TPM4: variants seen among roughly 807,000 people sequenced by gnomAD.
TPM4 encodes tropomyosin 4.
In TPM4, 17 loss-of-function variants were observed where a neutral mutation model predicts 35.8. The observed-to-expected ratio is 0.47, with a 90% confidence interval of 0.32 to 0.71. The LOEUF (loss-of-function observed/expected upper bound fraction) is 0.71, where lower values mean the gene tolerates loss of function less well. Among genes scored for constraint, TPM4 ranks in the 30% least tolerant of loss-of-function variants. The pLI, the probability that TPM4 is intolerant of heterozygous loss-of-function variation, is 0.03. For missense variants in TPM4, 240 were observed against 320.9 expected, an observed-to-expected ratio of 0.75 and a Z score of 1.93; for synonymous variants, 120 against 122.9, an observed-to-expected ratio of 0.98 and a Z score of 0.15.
intron 7 of TPM4, chr19:16,095,535 C>A: frequency 9.8e-7 from 1 of 1,015,766 alleles, no homozygotes; most frequent in East Asian, 6.7e-5. Flanking sequence ...CTCATTTTCT[C>A]CACTTGCTGC....
chr19:16,079,531 G>A (rs1282740721), intron 1 of TPM4, among the ~76,000 whole-genome samples: 1 of 152,166 alleles, frequency 6.6e-6, no homozygotes, highest in Non-Finnish European at 1.5e-5. Flanking sequence ...TGGTGTTTCA[G>A]AGGACACTGC....
intron 3 of TPM4, among the ~76,000 whole-genome samples, chr19:16,087,321 A>T (rs907690113): frequency 5.3e-5 from 8 of 152,248 alleles, no homozygotes; most frequent in African/African-American, 1.4e-4. Context: ...TCACGCCGGT[A>T]ATCCCAGCAC....
At chr19:16,081,851 G>T in intron 1 of TPM4, 62 bp from the exon 2 acceptor site, 1 of 1,507,268 alleles carries the variant, frequency 6.6e-7, no homozygotes, top group Non-Finnish European at 9.0e-7. Context: ...GGACATGGGG[G>T]AGGCTCCCAC....
chr19:16,087,968 G>T, intron 3 of TPM4, 59 bp from the exon 4 acceptor site: 3 of 1,562,758 alleles, frequency 1.9e-6, no homozygotes, highest in Non-Finnish European at 2.6e-6. Flanking sequence ...GTCTGCAGTG[G>T]ATGGGAGAGG....
At chr19:16,078,001 C>G in intron 1 of TPM4, 1 of 391,184 alleles carries the variant, frequency 2.6e-6, no homozygotes, top group Non-Finnish European at 4.5e-6. Flanking sequence ...TCTCGAACTC[C>G]TGACCTCGTG....
chr19:16,076,623 C>G lies in TPM4; in HGVS notation c.58C>G (p.Gln20Glu). The G allele has an allele frequency of 6.8e-7, 1 of 1,461,980 alleles. No individual in the cohort carries two copies. The highest frequency in any genetic ancestry group is 9.0e-7 in the Non-Finnish European group (1 of 1,113,238). 90.6% of individuals were successfully genotyped at this position (1,461,980 alleles called of 1,614,324 possible). The change falls in exon 1 of 8, where the codon CAG becomes GAG. Residue 20 changes from glutamine to glutamate, a missense_variant. Transcript: ENST00000643579. ...VKRKIQALQQ[Q>E]ADEAEDRAQG... ...ACGCAAGATCCAGGCCCTGCAGCAG[C>G]AGGCGGACGAGGCGGAAGACCGCGC...
At chr19:16,092,177 G>GA (rs77856675) in intron 5 of TPM4, among the ~76,000 whole-genome samples, 132 of 138,614 alleles carry the variant, frequency 9.5e-4, no homozygotes, top group Admixed American at 3.0e-3. Flanking sequence ...GATTCTGTCT[G>GA]AAAAAAAAAA....
In TPM4 at chr19:16,101,892, G is replaced by A. The variant is rs1269243035; in HGVS notation, c.*546G>A. 1 of 226,444 alleles carries A rather than the reference G, an allele frequency of 4.4e-6. No individual in the cohort carries two copies. Among genetic ancestry groups the A allele is most frequent in the African/African-American group, 2.2e-5 (1 of 44,914 alleles). The allele number at this position is 226,444 out of a possible 1,614,324, so 14.0% of individuals were successfully genotyped here. Reference sequence around the variant, plus strand: ...ATAACCCACAGATAGATCAACCTAAGAATCCTGGCCCTTCTCCACTCTCCA... The same window carrying A: ...ATAACCCACAGATAGATCAACCTAAAAATCCTGGCCCTTCTCCACTCTCCA... On this transcript the variant is annotated 3_prime_UTR_variant, in exon 8 of 8. Transcript: ENST00000643579.
chr19:16,096,192 G>A (rs1181690028), intron 7 of TPM4, among the ~76,000 whole-genome samples: 1 of 152,142 alleles, frequency 6.6e-6, no homozygotes, highest in African/African-American at 2.4e-5. Flanking sequence ...GCCTCCCAAA[G>A]TGCAGGGATT....
chr19:16,082,667 C>CCACA (rs1195811680), intron 2 of TPM4, among the ~76,000 whole-genome samples: 4 of 152,128 alleles, frequency 2.6e-5, no homozygotes, highest in Admixed American at 2.6e-4. Flanking sequence ...TCTCTGAAAG[C>CCACA]CACAGTGCCT....
intron 1 of TPM4, among the ~76,000 whole-genome samples, chr19:16,078,541 A>G (rs1022026669): frequency 6.6e-6 from 1 of 152,204 alleles, no homozygotes; most frequent in Non-Finnish European, 1.5e-5. Flanking sequence ...GTAAGCCTCA[A>G]TCGGTAGCCG....
At chr19:16,088,836 C>T in intron 4 of TPM4, 1 of 1,355,346 alleles carries the variant, frequency 7.4e-7, no homozygotes, top group African/African-American at 1.5e-5. Flanking sequence ...TCGGGCGCAC[C>T]TCGCCTCTGC....
intron 2 of TPM4, among the ~76,000 whole-genome samples, chr19:16,068,350 A>G (rs1486325603): frequency 2.0e-5 from 3 of 152,034 alleles, no homozygotes; most frequent in Admixed American, 6.6e-5. Context: ...CTAATTTTGT[A>G]TTTTTAGTAG....
At chr19:16,081,838 G>T (rs776565369) in intron 1 of TPM4, 75 bp from the exon 2 acceptor site, 70 of 1,478,180 alleles carry the variant, frequency 4.7e-5, no homozygotes, top group Middle Eastern at 2.6e-4. Context: ...TTAACAGAGG[G>T]CAGGACATGG....
intron 4 of TPM4, chr19:16,088,476 C>T (rs2090586801): frequency 1.9e-6 from 2 of 1,078,072 alleles, no homozygotes; most frequent in South Asian, 2.9e-5. Flanking sequence ...GCTTTTGCTC[C>T]TGTCAGTGTT....
rs767383251 is a variant in TPM4 at position 16,093,729 on chromosome 19, G to C, written c.640G>C (p.Glu214Gln). The change falls in exon 7 of 8, where the codon GAA becomes CAA. Residue 214 changes from glutamate to glutamine, a missense_variant. Glu to Gln is a conservative substitution (Grantham distance 29). Transcript: ENST00000643579. ...EFAERTVAKL[E>Q]KTIDDLEEKL... ...TGCAGAGAGAACGGTTGCAAAACTG[G>C]AAAAGACAATTGATGACCTGGAAGG... 3 of 1,613,748 alleles carry C rather than the reference G, an allele frequency of 1.9e-6. No individual in the cohort carries two copies. Among genetic ancestry groups the C allele is most frequent in the Non-Finnish European group, 2.5e-6 (3 of 1,180,026 alleles).
intron 5 of TPM4, among the ~76,000 whole-genome samples, chr19:16,089,527 GCTACGTGGCAGCTA>G (rs2090600010): frequency 6.6e-6 from 1 of 152,210 alleles, no homozygotes; most frequent in Non-Finnish European, 1.5e-5. Flanking sequence ...CAAAGCAGTT[GCTACGTGGCAGCTA>G]CGTCGGGAAC....
chr19:16,098,766 C>A (rs1004070980), intron 7 of TPM4, among the ~76,000 whole-genome samples: 1 of 151,834 alleles, frequency 6.6e-6, no homozygotes, highest in African/African-American at 2.4e-5. Context: ...TATGGCAAGA[C>A]CCCATCTCTA....
In TPM4 at chr19:16,101,875, C is replaced by T. The variant is rs2144970259; in HGVS notation, c.*529C>T. The T allele has an allele frequency of 4.4e-6, 1 of 227,042 alleles. No individual in the cohort carries two copies. The highest frequency in any genetic ancestry group is 5.7e-5 in the Admixed American group (1 of 17,608). 14.1% of individuals were successfully genotyped at this position (227,042 alleles called of 1,614,324 possible). ...GGCTATTGTGGGAAGTCATAACCCACAGATAGATCAACCTAAGAATCCTGG... is the reference window on the plus strand; with the variant it reads ...GGCTATTGTGGGAAGTCATAACCCATAGATAGATCAACCTAAGAATCCTGG... On this transcript the variant is annotated 3_prime_UTR_variant, in exon 8 of 8. Transcript: ENST00000643579.
Sources: gnomAD v4.1 joint callset for allele counts (sites outside exome capture counted in the v4.1 genomes callset) on GRCh38, gnomAD v4.1.1 for gene constraint, MANE v1.5 for transcripts, NCBI Gene and HGNC (gene_info 2026-07-23, HGNC 2026-07-21) for gene names.